The following CCDC142 variants were observed in gnomAD, a reference collection of about 807,000 sequenced individuals.
The protein encoded by CCDC142 is coiled-coil domain containing 142, also known as coiled-coil domain-containing protein 142.
A neutral mutation model predicts 83.8 loss-of-function variants in CCDC142; 67 were observed. The observed-to-expected ratio is 0.80, with a 90% CI of 0.66 to 0.98. The LOEUF (loss-of-function observed/expected upper bound fraction) is 0.98. Among genes scored for constraint, CCDC142 ranks in the 50% least tolerant of loss-of-function variants. The pLI, the probability that CCDC142 is intolerant of heterozygous loss-of-function variation, is 0.00. For synonymous variants in CCDC142, 421 were observed against 421.2 expected, an observed-to-expected ratio of 1.00 and a Z score of 0.01; for missense variants, 905 against 946.8, an observed-to-expected ratio of 0.96 and a Z score of 0.58.
intron 8 of CCDC142, 21 bp downstream of exon 8, chr2:74,474,895 G>A (rs1009585762): frequency 8.2e-6 from 13 of 1,581,440 alleles, no homozygotes; most frequent in Admixed American, 1.8e-5. Flanking sequence ...ACAAAGCAGT[G>A]AGCGAAGGGG....
At chr2:74,475,803 A>C (rs1233780337) in intron 5 of CCDC142, 77 bp from the exon 6 acceptor site, 1 of 883,734 alleles carries the variant, frequency 1.1e-6, no homozygotes, top group African/African-American at 1.7e-5. Flanking sequence ...TCTATGTCCA[A>C]CTTGACATCC....
intron 5 of CCDC142, among the ~76,000 whole-genome samples, chr2:74,476,044 A>AACAC (rs58719599): frequency 0.017 from 1,622 of 97,650 alleles, 60 homozygotes; most frequent in African/African-American, 0.032. Context: ...CCACCCCCGC[A>AACAC]ACACACACAC....
chr2:74,482,933 T>C lies in CCDC142; in HGVS notation c.-96A>G. 6.4e-7 allele frequency: 1 copy of C among 1,563,464 alleles called. No homozygotes were observed. Among genetic ancestry groups the C allele is most frequent in the Non-Finnish European group, 8.7e-7 (1 of 1,150,056 alleles). On this transcript the variant is annotated 5_prime_UTR_variant, in exon 1 of 9. Coordinates refer to ENST00000393965, the MANE Select transcript of CCDC142 (RefSeq NM_001365575.2). The surrounding 1 kb of genome is among the most constrained non-coding windows in gnomAD (Gnocchi z 5.0). ...GACTTCGCCCCATCGCAAGAGCCGT[T>C]TTCTCCAGTCCGGGAGTCGCGGGGA... is the stretch of plus-strand genomic sequence containing the variant.
At chr2:74,479,151 A>G (rs1672391529) in intron 5 of CCDC142, among the ~76,000 whole-genome samples, 2 of 151,636 alleles carry the variant, frequency 1.3e-5, no homozygotes, top group Non-Finnish European at 2.9e-5. Flanking sequence ...CCAAGATCAC[A>G]TAACTGCACT....
At chr2:74,476,021 A>G (rs1672315682) in intron 5 of CCDC142, among the ~76,000 whole-genome samples, 1 of 150,124 alleles carries the variant, frequency 6.7e-6, no homozygotes, top group African/African-American at 2.5e-5. Flanking sequence ...AAAAAGAAAG[A>G]CATACCCTGC....
Position 74,474,689 on chromosome 2 carries a change from G to A in CCDC142, c.2110C>T (p.Gln704Ter). ...GGTCCCCTTCCTCCTAGTGTGCTTT[G>A]CAGCTGACCTGTCTGGGCTGGAGAT... ...GTSPAQTGQLQSTLGGRGPSP... is the reference protein window; with the variant it reads ...GTSPAQTGQL Residue 704 changes from glutamine to a stop codon, truncating the protein, a stop_gained, in exon 9 of 9, where the codon CAA becomes TAA. Transcript: ENST00000393965. LOFTEE classifies it high-confidence loss of function. The A allele has an allele frequency of 6.2e-7, 1 of 1,614,204 alleles. No homozygotes were observed. The highest frequency in any genetic ancestry group is 2.2e-5 in the East Asian group (1 of 44,874).
chr2:74,481,020 G>A lies in CCDC142; in HGVS notation c.1325C>T (p.Ala442Val). The change falls in exon 4 of 9, where the codon GCT becomes GTT. Residue 442 changes from alanine (A) to valine (V), a missense_variant. This residue lies in a region of CCDC142 where 49 missense variants were observed against 86.4 expected (regional missense o/e 0.57). Transcript: ENST00000393965. ...GTCCCATGCTGCCAAGTACTGCTGA[G>A]CTCTGCCCAGGAACCAGAGCAAGGT... ...QTTLLWFLGR[A>V]QQYLAAWDPA... 3.7e-6 allele frequency: 6 copies of A among 1,614,092 alleles called. No individual in the cohort carries two copies. Among genetic ancestry groups the A allele is most frequent in the Non-Finnish European group, 5.1e-6 (6 of 1,180,030 alleles).
rs36104438 is a variant in CCDC142 at position 74,474,081 on chromosome 2, AT to A, written c.*464del. Reference sequence around the variant, plus strand: ...GCCACCATGCCCTGCCTAATCTTGGATTTTTTTTTTTTTTTTTTTTGAGACA... The same window carrying A: ...GCCACCATGCCCTGCCTAATCTTGGATTTTTTTTTTTTTTTTTTTGAGACA... On this transcript the variant is annotated 3_prime_UTR_variant, in exon 9 of 9. Transcript: ENST00000393965. The A allele has an allele frequency of 6.4e-3, 627 of 97,420 alleles. No individual in the cohort carries two copies. Among genetic ancestry groups the A allele is most frequent in the African/African-American group, 0.018 (436 of 24,620 alleles). 6.0% of individuals were successfully genotyped at this position (97,420 alleles called of 1,614,324 possible).
intron 5 of CCDC142, among the ~76,000 whole-genome samples, chr2:74,477,417 C>T (rs889506942): frequency 6.6e-6 from 1 of 152,194 alleles, no homozygotes; most frequent in Non-Finnish European, 1.5e-5. Context: ...TAAAATGTCA[C>T]CCCCTCACTT....
chr2:74,478,382 GT>G (rs1409512930), intron 5 of CCDC142, among the ~76,000 whole-genome samples: 8 of 142,198 alleles, frequency 5.6e-5, no homozygotes, highest in Non-Finnish European at 7.7e-5. Context: ...TTTGTTTTCT[GT>G]TTTTTTTTTG....
rs775631815 is a variant in CCDC142, at chr2:74,480,999, C to T, written c.1346G>A (p.Trp449Ter). ...CAGGAGCAGGAAGGAAGCTGGGTCC[C>T]ATGCTGCCAAGTACTGCTGAGCTCT... is the stretch of plus-strand genomic sequence containing the variant. Reference protein sequence around the residue: ...LGRAQQYLAAWDPASFLLLIQ... With the variant: ...LGRAQQYLAA Residue 449 changes from tryptophan to a stop codon, truncating the protein, a stop_gained, in exon 4 of 9, where the codon TGG becomes TAG. Coordinates refer to ENST00000393965, the MANE Select transcript of CCDC142 (RefSeq NM_001365575.2). LOFTEE classifies it high-confidence loss of function. 2 of 1,614,142 alleles carry T rather than the reference C, an allele frequency of 1.2e-6. No individual in the cohort carries two copies. Among genetic ancestry groups the T allele is most frequent in the Non-Finnish European group, 1.7e-6 (2 of 1,180,040 alleles).
rs1233410094 is a variant in CCDC142, at chr2:74,481,447, C to T, written c.1108+5G>A. 4.3e-6 allele frequency: 7 copies of T among 1,614,018 alleles called. No individual in the cohort carries two copies. Among genetic ancestry groups the T allele is most frequent in the South Asian group, 1.1e-5 (1 of 91,084 alleles). On this transcript the variant is annotated splice_donor_5th_base_variant and intron_variant, in intron 2 of 8. Coordinates refer to ENST00000393965, the MANE Select transcript of CCDC142 (RefSeq NM_001365575.2). ...ATGTCACCCCCAGTGCCCCTTCCTT[C>T]TCACCTTGGTCCCAGCTCCAGATAA... is the stretch of plus-strand genomic sequence containing the variant.
intron 6 of CCDC142, 92 bp downstream of exon 6, chr2:74,475,520 T>C (rs1672303517): frequency 6.9e-7 from 1 of 1,440,394 alleles, no homozygotes; most frequent in African/African-American, 1.4e-5. Context: ...AGGACAAGGA[T>C]GGAGACAGTG....
intron 5 of CCDC142, 37 bp downstream of exon 5, chr2:74,480,732 G>C (rs759556268): frequency 1.4e-6 from 2 of 1,446,480 alleles, no homozygotes; most frequent in African/African-American, 1.4e-5. Flanking sequence ...CAGAACATAG[G>C]GTCTTACACT....
chr2:74,482,589 C>T lies in CCDC142; in HGVS notation c.249G>A (p.Pro83=). 1.2e-6 allele frequency: 2 copies of T among 1,603,716 alleles called. No homozygotes were observed. Among genetic ancestry groups the T allele is most frequent in the African/African-American group, 1.3e-5 (1 of 74,886 alleles). ...AWRRGPAGGG[P]IPPALQRLRA... is the part of the protein sequence containing the mutation. ...GGAGACGCTGCAGCGCGGGAGGGAT[C>T]GGGCCGCCACCTGCGGGCCCCCGCC... The change falls in exon 1 of 9, where the codon CCG becomes CCA. Residue 83 remains proline, a synonymous_variant. Transcript: ENST00000393965. This position sits in a 1 kb window ranked among gnomAD's most constrained non-coding sequence, Gnocchi z 5.0.
intron 5 of CCDC142, among the ~76,000 whole-genome samples, chr2:74,478,775 C>G (rs576866006): frequency 8.6e-5 from 13 of 151,384 alleles, no homozygotes; most frequent in African/African-American, 3.2e-4. Context: ...ACCTATAATC[C>G]CAGCACTTTG....
At chr2:74,476,023 A>G (rs923506191) in intron 5 of CCDC142, among the ~76,000 whole-genome samples, 1 of 149,608 alleles carries the variant, frequency 6.7e-6, no homozygotes, top group African/African-American at 2.5e-5. Context: ...AAAGAAAGAC[A>G]TACCCTGCCC....
chr2:74,474,478 C>A lies in CCDC142; in HGVS notation c.*68G>T. On this transcript the variant is annotated 3_prime_UTR_variant, in exon 9 of 9. Transcript: ENST00000393965. Reference sequence around the variant, plus strand: ...TTCTGGGCTTCCTTAATATGCAATTCCAAATGTCTGGATTTTCCAGCTAGA... The same window carrying A: ...TTCTGGGCTTCCTTAATATGCAATTACAAATGTCTGGATTTTCCAGCTAGA... 1 of 1,506,542 alleles carries A rather than the reference C, an allele frequency of 6.6e-7. No homozygotes were observed. The highest frequency in any genetic ancestry group is 2.3e-5 in the East Asian group (1 of 44,052). The allele number at this position is 1,506,542 out of a possible 1,614,324, so 93.3% of individuals were successfully genotyped here.
Position 74,474,342 on chromosome 2 carries a change from C to G in CCDC142, c.*204G>C. ...TCATGATCCGCCTGCCTCGGTCTCC[C>G]AAAGTGCTGGATTACAGGCGTGAGC... is the stretch of plus-strand genomic sequence containing the variant. On this transcript the variant is annotated 3_prime_UTR_variant, in exon 9 of 9. Coordinates refer to ENST00000393965, the MANE Select transcript of CCDC142 (RefSeq NM_001365575.2). 3.5e-6 allele frequency: 2 copies of G among 577,444 alleles called. No individual in the cohort carries two copies. Among genetic ancestry groups the G allele is most frequent in the South Asian group, 5.0e-5 (2 of 40,064 alleles). The allele number at this position is 577,444 out of a possible 1,614,324, so 35.8% of individuals were successfully genotyped here.
Sources: gnomAD v4.1 joint callset for allele counts (sites outside exome capture counted in the v4.1 genomes callset) on GRCh38, gnomAD v4.1.1 for gene constraint, gnomAD v4.1.1 regional missense constraint, Gnocchi (gnomAD v3.1) non-coding constraint, MANE v1.5 for transcripts, NCBI Gene and HGNC (gene_info 2026-07-23, HGNC 2026-07-21) for gene names.